IFTAP: variants seen among roughly 807,000 people sequenced by gnomAD.
The protein encoded by IFTAP is intraflagellar transport-associated protein.
Under a neutral mutation model 19.4 loss-of-function variants are expected in IFTAP, and 19 were observed. The observed-to-expected ratio is 0.98, with a 90% confidence interval of 0.68 to 1.44. The LOEUF (loss-of-function observed/expected upper bound fraction) is 1.44. IFTAP is among the 40% of genes most tolerant of loss of function. The pLI, the probability that IFTAP is intolerant of heterozygous loss-of-function variation, is 0.00. For synonymous variants in IFTAP, 85 were observed against 83.5 expected (o/e 1.02, Z -0.10); for missense variants, 240 against 253.6 (o/e 0.95, Z 0.36).
intron 4 of IFTAP, among the ~76,000 whole-genome samples, chr11:36,637,768 G>C (rs1390898666): frequency 6.6e-6 from 1 of 152,068 alleles, no homozygotes; most frequent in African/African-American, 2.4e-5. Flanking sequence ...GGGCACAAAA[G>C]TACATGTTTT....
At chr11:36,636,987 T>C (rs958001755) in intron 4 of IFTAP, among the ~76,000 whole-genome samples, 8 of 151,312 alleles carry the variant, frequency 5.3e-5, no homozygotes, top group Non-Finnish European at 7.4e-5. Context: ...TCAAAGTCAA[T>C]GCCTAATTTT....
At chr11:36,603,472 T>G (rs533666838) in intron 1 of IFTAP, among the ~76,000 whole-genome samples, 32 of 152,258 alleles carry the variant, frequency 2.1e-4, no homozygotes, top group African/African-American at 7.0e-4. Flanking sequence ...AAATTATAGA[T>G]TCACAAGATG....
intron 4 of IFTAP, among the ~76,000 whole-genome samples, chr11:36,640,269 C>A (rs907369731): frequency 6.7e-6 from 1 of 149,578 alleles, no homozygotes; most frequent in East Asian, 1.9e-4. Context: ...GTTTGTGGCA[C>A]CAAATTATAC....
chr11:36,625,987 A>G (rs533438877), intron 2 of IFTAP, among the ~76,000 whole-genome samples: 4 of 145,746 alleles, frequency 2.7e-5, no homozygotes, highest in Admixed American at 6.6e-5. Flanking sequence ...TGCATGAGCA[A>G]CGGTGAAAGG....
intron 4 of IFTAP, among the ~76,000 whole-genome samples, chr11:36,641,899 G>T (rs900565793): frequency 9.2e-5 from 14 of 152,108 alleles, no homozygotes; most frequent in Non-Finnish European, 1.8e-4. Context: ...TTATTATTGT[G>T]TGGGAGTCTA....
chr11:36,604,314 A>C (rs944847310), intron 1 of IFTAP, among the ~76,000 whole-genome samples: 4 of 152,202 alleles, frequency 2.6e-5, no homozygotes, highest in Non-Finnish European at 5.9e-5. Context: ...TTTTTTGGTG[A>C]TAATGAAGAG....
At position 36,602,143 on chromosome 11, in the gene IFTAP, A is replaced by T. The variant is rs547018371; in HGVS notation, c.-24+7551A>T. ...TATTATTCCACAGTCTTAGGAATTT[A>T]TAATTCAAAATAGCTGGGAAACAAA... On this transcript the variant is annotated intron_variant, in intron 1 of 5. Coordinates refer to ENST00000334307, the MANE Select transcript of IFTAP (RefSeq NM_138787.4). Among the ~76,000 whole-genome samples, 4 of 152,378 alleles carry T rather than the reference A, an allele frequency of 2.6e-5. No homozygotes were observed. The East Asian group carries it at 7.7e-4, about 29-fold the overall frequency.
chr11:36,609,982 T>C, intron 1 of IFTAP, 99 bp from the exon 2 acceptor site: 2 of 1,077,934 alleles, frequency 1.9e-6, no homozygotes, highest in Non-Finnish European at 1.4e-6. Flanking sequence ...TTGATCTTTG[T>C]TTTGGAGCCT....
At chr11:36,635,052 A>G (rs2133460795) in intron 3 of IFTAP, among the ~76,000 whole-genome samples, 1 of 152,306 alleles carries the variant, frequency 6.6e-6, no homozygotes, top group Middle Eastern at 3.4e-3. Context: ...GATGCCAGAT[A>G]ATAACTGCAG....
chr11:36,650,647 G>A (rs1853680434), intron 5 of IFTAP, among the ~76,000 whole-genome samples: 1 of 150,686 alleles, frequency 6.6e-6, no homozygotes, highest in African/African-American at 2.4e-5. Flanking sequence ...CATGTGCCAT[G>A]TTGGTGTGTT....
chr11:36,655,454 A>G (rs1168696096), intron 5 of IFTAP, among the ~76,000 whole-genome samples: 2 of 152,082 alleles, frequency 1.3e-5, no homozygotes, highest in African/African-American at 4.8e-5. Flanking sequence ...TTATGTGTTT[A>G]TCTCATTGTT....
At chr11:36,605,415 G>A (rs1021977842) in intron 1 of IFTAP, among the ~76,000 whole-genome samples, 1 of 151,876 alleles carries the variant, frequency 6.6e-6, no homozygotes, top group South Asian at 2.1e-4. Context: ...GTTGCATTTT[G>A]TTTGAGTAAG....
chr11:36,636,653 T>G (rs549299317), intron 4 of IFTAP, among the ~76,000 whole-genome samples: 1 of 152,344 alleles, frequency 6.6e-6, no homozygotes, highest in African/African-American at 2.4e-5. Context: ...TATGCAGGCT[T>G]CAGTGAACTA....
chr11:36,641,935 T>G (rs1363387549), intron 4 of IFTAP, among the ~76,000 whole-genome samples: 1 of 152,198 alleles, frequency 6.6e-6, no homozygotes, highest in African/African-American at 2.4e-5. Flanking sequence ...CTCTAAGGAC[T>G]TGCTTTATGA....
At chr11:36,622,872 T>C (rs921391244) in intron 2 of IFTAP, among the ~76,000 whole-genome samples, 1 of 152,180 alleles carries the variant, frequency 6.6e-6, no homozygotes, top group African/African-American at 2.4e-5. Context: ...AAACCAACTA[T>C]GTATAGTACA....
intron 2 of IFTAP, among the ~76,000 whole-genome samples, chr11:36,614,850 G>A (rs955319356): frequency 2.0e-5 from 3 of 148,204 alleles, no homozygotes; most frequent in African/African-American, 7.7e-5. Flanking sequence ...TTGCAAAAAT[G>A]TTCTCCCATT....
rs192216607 is a variant in IFTAP, at chr11:36,612,547, A to G, written c.136+2308A>G. Among the ~76,000 whole-genome samples the G allele has an allele frequency of 7.9e-5, 12 of 152,100 alleles. No homozygotes were observed. The East Asian group carries it at 2.1e-3, about 27-fold the overall frequency. The stretch of plus-strand genomic sequence containing the variant: ...AAAGGCATTAAAGCTGTATTTCCAA[A>G]ATTCCTATTTTCCCTGCTTCTTTCC... On this transcript the variant is annotated intron_variant, in intron 2 of 5. Transcript: ENST00000334307.
At chr11:36,605,849 CA>C (rs1851674337) in intron 1 of IFTAP, among the ~76,000 whole-genome samples, 1 of 152,130 alleles carries the variant, frequency 6.6e-6, no homozygotes, top group Non-Finnish European at 1.5e-5. Context: ...CAAAGCAAAA[CA>C]AAGAATTCTG....
chr11:36,640,071 T>C (rs887776252), intron 4 of IFTAP, among the ~76,000 whole-genome samples: 4 of 152,156 alleles, frequency 2.6e-5, no homozygotes, highest in African/African-American at 9.7e-5. Flanking sequence ...ATTTTTGTGA[T>C]TTATCTAGCT....
Sources: gnomAD v4.1 joint callset for allele counts (sites outside exome capture counted in the v4.1 genomes callset) on GRCh38, gnomAD v4.1.1 for gene constraint, MANE v1.5 for transcripts, NCBI Gene and HGNC (gene_info 2026-07-23, HGNC 2026-07-21) for gene names.